SF3B3: variants seen among roughly 807,000 people sequenced by gnomAD.
SF3B3 encodes the protein SAP 130.
Under a neutral mutation model 139.2 loss-of-function variants are expected in SF3B3, and 33 were observed. The ratio of observed to expected loss-of-function variants is 0.24; its 90% confidence interval spans 0.18 to 0.32. The LOEUF (loss-of-function observed/expected upper bound fraction) is 0.32, where lower values mean the gene tolerates loss of function less well. Among genes scored for constraint, SF3B3 ranks in the 10% least tolerant of loss-of-function variants. The pLI, the probability that SF3B3 is intolerant of heterozygous loss-of-function variation, is 1.00. For synonymous variants in SF3B3, 596 were observed against 563.6 expected (o/e 1.06, Z -0.81); for missense variants, 818 against 1,509.4 (o/e 0.54, Z 7.59).
At position 70,534,852 on chromosome 16, in the gene SF3B3, A is replaced by G. The variant is rs578235171; in HGVS notation, c.713-456A>G. Reference sequence around the variant, plus strand: ...CCTGGCTAATTTTTGTAGTTTTAGTAGAGACGGGATTTCACCGTGTTGGCC... The same window carrying G: ...CCTGGCTAATTTTTGTAGTTTTAGTGGAGACGGGATTTCACCGTGTTGGCC... On this transcript the variant is annotated intron_variant, in intron 5 of 25. Transcript: ENST00000302516. Among the ~76,000 whole-genome samples, 5 of 152,152 alleles carry G rather than the reference A, an allele frequency of 3.3e-5. No individual in the cohort carries two copies. In the East Asian group the frequency reaches 7.7e-4, roughly 24 times the overall value.
At chr16:70,536,158 C>G (rs1489903585) in intron 6 of SF3B3, among the ~76,000 whole-genome samples, 2 of 151,360 alleles carry the variant, frequency 1.3e-5, no homozygotes, top group Non-Finnish European at 2.9e-5. Flanking sequence ...CAGGATATTT[C>G]CCTCTCACCT....
intron 11 of SF3B3, among the ~76,000 whole-genome samples, chr16:70,549,693 AG>A (rs1240546223): frequency 6.6e-6 from 1 of 152,146 alleles, no homozygotes; most frequent in East Asian, 1.9e-4. Context: ...TGGGAGGCCG[AG>A]GTGGGCGGAT....
chr16:70,525,653 C>G (rs1358826725), intron 1 of SF3B3, among the ~76,000 whole-genome samples: 1 of 151,928 alleles, frequency 6.6e-6, no homozygotes, highest in East Asian at 1.9e-4. Flanking sequence ...TTACTGTGGT[C>G]CTAGAACGTT....
intron 20 of SF3B3, 60 bp downstream of exon 20, chr16:70,565,584 C>T: frequency 1.3e-6 from 2 of 1,507,604 alleles, no homozygotes; most frequent in Non-Finnish European, 1.8e-6. Context: ...CTCACTTTTG[C>T]TTATGTTATG....
At chr16:70,535,581 A>C (rs2050158661) in intron 6 of SF3B3, among the ~76,000 whole-genome samples, 161 bp downstream of exon 6, 1 of 152,210 alleles carries the variant, frequency 6.6e-6, no homozygotes, top group Non-Finnish European at 1.5e-5. Flanking sequence ...AAGCTGGTGA[A>C]ATATTTTAGT....
At chr16:70,570,371 C>T (rs1409031094) in intron 24 of SF3B3, among the ~76,000 whole-genome samples, 1 of 129,960 alleles carries the variant, frequency 7.7e-6, no homozygotes, top group Admixed American at 9.1e-5. Context: ...CTCACTGTTA[C>T]CCGGGCTGGA....
chr16:70,543,530 A>G (rs1313844360), intron 9 of SF3B3, among the ~76,000 whole-genome samples: 1 of 151,972 alleles, frequency 6.6e-6, no homozygotes, highest in East Asian at 1.9e-4. Context: ...CAACACGGTG[A>G]AACCCCGTCT....
At chr16:70,532,692 C>T (rs1303639471) in intron 5 of SF3B3, 72 bp downstream of exon 5, 1 of 1,456,442 alleles carries the variant, frequency 6.9e-7, no homozygotes, top group South Asian at 1.2e-5. Context: ...ATAGGTTTTA[C>T]TTAAAGGGTT....
chr16:70,535,159 T>C, intron 5 of SF3B3, 149 bp from the exon 6 acceptor site: 1 of 526,214 alleles, frequency 1.9e-6, no homozygotes, highest in Non-Finnish European at 3.5e-6. Flanking sequence ...TTATCTACCA[T>C]GAACATAAGG....
chr16:70,525,096 C>G (rs112356672), intron 1 of SF3B3: 6 of 152,510 alleles, frequency 3.9e-5, no homozygotes, highest in African/African-American at 1.2e-4. Flanking sequence ...GCGGCTTGAT[C>G]TCGGCTTACT....
At chr16:70,533,128 T>C (rs1325867913) in intron 5 of SF3B3, among the ~76,000 whole-genome samples, 1 of 152,192 alleles carries the variant, frequency 6.6e-6, no homozygotes, top group Non-Finnish European at 1.5e-5. Context: ...TCCCAAAAGA[T>C]TGAGGTCCAG....
rs749445957 is a variant in SF3B3, at chr16:70,529,111, C to T, written c.309C>T (p.His103=). 7 of 1,614,116 alleles carry T rather than the reference C, an allele frequency of 4.3e-6. No homozygotes were observed. The African/African-American group carries it at 9.3e-5, about 22-fold the overall frequency. The change falls in exon 3 of 26, where the codon CAC becomes CAT. Residue 103 remains histidine (H), a synonymous_variant. Transcript: ENST00000302516. ...CTAAGAATATGTTTGAGAAGATTCA[C>T]CAAGAAACCTTTGGCAAGAGTGGAT... ...QPSKNMFEKI[H]QETFGKSGCR... is the part of the protein sequence containing the mutation.
chr16:70,540,725 T>A (rs1450712069), intron 8 of SF3B3, among the ~76,000 whole-genome samples: 2 of 151,906 alleles, frequency 1.3e-5, no homozygotes, highest in African/African-American at 4.8e-5. Flanking sequence ...TTTAGAAAAT[T>A]CATGTTTAAA....
At chr16:70,571,301 C>A in intron 25 of SF3B3, 102 bp downstream of exon 25, 3 of 818,934 alleles carry the variant, frequency 3.7e-6, no homozygotes, top group Admixed American at 2.1e-5. Context: ...CCCCTCAGGG[C>A]AGACCACAGC....
chr16:70,526,260 T>C (rs2050062716), intron 1 of SF3B3, among the ~76,000 whole-genome samples: 1 of 151,928 alleles, frequency 6.6e-6, no homozygotes, highest in South Asian at 2.1e-4. Context: ...CAGCCTGGAG[T>C]GCAGTGGCAT....
In SF3B3 at chr16:70,576,985, C is replaced by T. The variant is rs960182022; in HGVS notation, c.*5172C>T. 1 of 152,180 alleles carries T rather than the reference C, an allele frequency of 6.6e-6. No individual in the cohort carries two copies. Among genetic ancestry groups the T allele is most frequent in the African/African-American group, 2.4e-5 (1 of 41,408 alleles). The allele number at this position is 152,180 out of a possible 1,614,324, so 9.4% of individuals were successfully genotyped here. A position where few individuals can be genotyped will look rare whatever the true frequency, so the allele number is the denominator to read the frequency against. On this transcript the variant is annotated 3_prime_UTR_variant, in exon 26 of 26. Coordinates refer to ENST00000302516, the MANE Select transcript of SF3B3 (RefSeq NM_012426.5). Reference sequence around the variant, plus strand: ...TCTCTCCAAAAATACAAAAATTAGCCAGGCATGGTGGTGCACACTTGTAGT... The same window carrying T: ...TCTCTCCAAAAATACAAAAATTAGCTAGGCATGGTGGTGCACACTTGTAGT...
At position 70,548,360 on chromosome 16, in the gene SF3B3, C is replaced by T. The variant is rs1477631420; in HGVS notation, c.1330-10C>T. On this transcript the variant is annotated splice_polypyrimidine_tract_variant and intron_variant, in intron 10 of 25. Coordinates refer to ENST00000302516, the MANE Select transcript of SF3B3 (RefSeq NM_012426.5). ...TCACTGGATCTGTGGCTTCCCTCTT[C>T]TCCTGTCAGGTGTCAGAAATGGCTG... 2 of 1,613,368 alleles carry T rather than the reference C, an allele frequency of 1.2e-6. No homozygotes were observed. The highest frequency in any genetic ancestry group is 1.7e-4 in the Middle Eastern group (1 of 6,046).
chr16:70,572,052 C>G lies in SF3B3; in HGVS notation c.*239C>G. 1.5e-6 allele frequency: 1 copy of G among 656,040 alleles called. No homozygotes were observed. Among genetic ancestry groups the G allele is most frequent in the Non-Finnish European group, 2.8e-6 (1 of 357,192 alleles). The allele number at this position is 656,040 out of a possible 1,614,324, so 40.6% of individuals were successfully genotyped here. On this transcript the variant is annotated 3_prime_UTR_variant, in exon 26 of 26. Coordinates refer to ENST00000302516, the MANE Select transcript of SF3B3 (RefSeq NM_012426.5). ...GGTACATGATACATGACCCCAGGTT[C>G]CAGTGTAGAACCTGAGTCCCCCATT...
At chr16:70,543,805 A>G (rs1393985324) in intron 9 of SF3B3, among the ~76,000 whole-genome samples, 2 of 152,090 alleles carry the variant, frequency 1.3e-5, no homozygotes, top group African/African-American at 2.4e-5. Flanking sequence ...TGCTAGCCAA[A>G]GCATCTGGAT....
Sources: allele counts gnomAD v4.1 joint callset (sites outside exome capture counted in the v4.1 genomes callset), GRCh38; gene constraint gnomAD v4.1.1; transcripts MANE v1.5; gene names NCBI Gene and HGNC (gene_info 2026-07-23, HGNC 2026-07-21).